The following KDM3B variants were observed in gnomAD, a reference collection of about 807,000 sequenced individuals.
KDM3B encodes the protein lysine-specific demethylase 3B.
Under a neutral mutation model 170.0 loss-of-function variants are expected in KDM3B, and 10 were observed. The observed-to-expected ratio is 0.06, with a 90% CI of 0.04 to 0.10. The LOEUF (loss-of-function observed/expected upper bound fraction) is 0.10. KDM3B is among the 10% of genes least tolerant of loss of function. The probability of loss-of-function intolerance (pLI) is 1.00; values close to 1 mark genes in which losing one functional copy is unlikely to be tolerated. For missense variants in KDM3B, 1,394 were observed against 2,195.2 expected, an observed-to-expected ratio of 0.64 and a Z score of 7.29; for synonymous variants, 831 against 834.8, an observed-to-expected ratio of 1.00 and a Z score of 0.08.
chr5:138,388,252 T>C (rs1210804698), intron 7 of KDM3B, among the ~76,000 whole-genome samples: 2 of 152,134 alleles, frequency 1.3e-5, no homozygotes, highest in Admixed American at 1.3e-4. Flanking sequence ...GTATTTTCTT[T>C]TAAACAGGTT....
intron 14 of KDM3B, among the ~76,000 whole-genome samples, chr5:138,419,766 C>CATAT (rs1008985305): frequency 7.6e-6 from 1 of 131,996 alleles, no homozygotes; most frequent in Non-Finnish European, 1.7e-5. Context: ...CACACACACA[C>CATAT]ATATATATGA....
At chr5:138,432,648 G>A (rs1006810695) in intron 23 of KDM3B, among the ~76,000 whole-genome samples, 1 of 152,084 alleles carries the variant, frequency 6.6e-6, no homozygotes, top group Non-Finnish European at 1.5e-5. Flanking sequence ...CAGCCTGGGC[G>A]ACAGAGCGAG....
chr5:138,425,574 T>A lies in KDM3B; in HGVS notation c.4403T>A (p.Ile1468Asn). Residue 1468 changes from isoleucine (I) to asparagine (N), a missense_variant, in exon 17 of 24, where the codon ATC becomes AAC. Coordinates refer to ENST00000314358, the MANE Select transcript of KDM3B (RefSeq NM_016604.4). ...CGGGATTTCTGGGATGGTTTCGAGATCATATGCAGTAAGTAGCTTTCATAT... is the reference window on the plus strand; with the variant it reads ...CGGGATTTCTGGGATGGTTTCGAGAACATATGCAGTAAGTAGCTTTCATAT... Reference protein sequence around the residue: ...KVRDFWDGFEIICKRLRSEDG... With the variant: ...KVRDFWDGFENICKRLRSEDG... 1 of 1,613,930 alleles carries A rather than the reference T, an allele frequency of 6.2e-7. No homozygotes were observed. The highest frequency in any genetic ancestry group is 1.1e-5 in the South Asian group (1 of 91,054).
In KDM3B at chr5:138,375,019, A is replaced by G. The variant is rs891088150; in HGVS notation, c.361-74A>G. The G allele has an allele frequency of 1.8e-5, 14 of 798,074 alleles. No homozygotes were observed. In the East Asian group the frequency reaches 3.2e-4, roughly 18 times the overall value. The allele number at this position is 798,074 out of a possible 1,614,324, so 49.4% of individuals were successfully genotyped here. A position where few individuals can be genotyped will look rare whatever the true frequency, so the allele number is the denominator to read the frequency against. ...AAAGATATAATAATTATTTCTTTGA[A>G]GTTAGAGATTTGTTTGAATTGCTGT... On this transcript the variant is annotated intron_variant, in intron 2 of 23. Transcript: ENST00000314358.
intron 10 of KDM3B, among the ~76,000 whole-genome samples, chr5:138,398,629 T>C (rs543699986): frequency 6.6e-6 from 1 of 152,206 alleles, no homozygotes; most frequent in African/African-American, 2.4e-5. Flanking sequence ...TTGCCTTTGT[T>C]TTTGTAGCAC....
chr5:138,421,048 G>A (rs773376917), intron 15 of KDM3B, 86 bp downstream of exon 15: 12 of 1,464,412 alleles, frequency 8.2e-6, no homozygotes, highest in Non-Finnish European at 1.1e-5. Flanking sequence ...AGGGTACATG[G>A]GTGATTTGTG....
chr5:138,434,232 G>A (rs1763614113), intron 23 of KDM3B, among the ~76,000 whole-genome samples: 1 of 152,060 alleles, frequency 6.6e-6, no homozygotes. Flanking sequence ...ACTCCAGCCT[G>A]GGCAACAGAC....
At position 138,419,668 on chromosome 5, in the gene KDM3B, A is replaced by ATAT. The variant is rs1554131122; in HGVS notation, c.3715+436_3715+437insTAT. 4.2e-3 allele frequency among the ~76,000 whole-genome samples: 455 copies of ATAT among 109,218 alleles called. 10 individuals are homozygous for ATAT. The highest frequency in any genetic ancestry group is 7.9e-3 in the African/African-American group (214 of 27,054). The allele number at this position is 109,218 out of a possible 152,430, so 71.7% of individuals were successfully genotyped here. ...ACTCTGTCTCAAAAAAAAAAAAAAA[A>ATAT]ATATATATATATATATATATACATA... On this transcript the variant is annotated intron_variant, in intron 14 of 23. Coordinates refer to ENST00000314358, the MANE Select transcript of KDM3B (RefSeq NM_016604.4).
At chr5:138,359,362 A>G (rs1031024692) in intron 1 of KDM3B, among the ~76,000 whole-genome samples, 6 of 150,516 alleles carry the variant, frequency 4.0e-5, no homozygotes, top group African/African-American at 1.2e-4. Context: ...GGGTTTCGCC[A>G]TGTTGTCCAG....
At chr5:138,369,757 A>G (rs1314875339) in intron 1 of KDM3B, among the ~76,000 whole-genome samples, 4 of 151,996 alleles carry the variant, frequency 2.6e-5, no homozygotes, top group African/African-American at 9.7e-5. Flanking sequence ...ACCTTATTTT[A>G]CCCTATTTCT....
At position 138,429,972 on chromosome 5, in the gene KDM3B, C is replaced by CCTGCCTGGG; in HGVS notation, c.4893+8_4893+9insTGCCTGGGC. The CCTGCCTGGG allele has an allele frequency of 6.2e-7, 1 of 1,613,828 alleles. No individual in the cohort carries two copies. The highest frequency in any genetic ancestry group is 8.5e-7 in the Non-Finnish European group (1 of 1,179,880). ...CCGGGAGCTGCTCCGAAAGGTACGC[C>CCTGCCTGGG]CCTGGGTGGGCTGTGCTCCCAGCTC... On this transcript the variant is annotated splice_region_variant and intron_variant, in intron 21 of 23. Coordinates refer to ENST00000314358, the MANE Select transcript of KDM3B (RefSeq NM_016604.4).
chr5:138,363,842 G>A (rs943386628), intron 1 of KDM3B, among the ~76,000 whole-genome samples: 5 of 151,952 alleles, frequency 3.3e-5, no homozygotes, highest in Admixed American at 2.6e-4. Context: ...CATTGCGCCT[G>A]GCCTCATACT....
At chr5:138,411,762 C>A (rs1336973944) in intron 11 of KDM3B, among the ~76,000 whole-genome samples, 10 of 149,886 alleles carry the variant, frequency 6.7e-5, no homozygotes, top group Non-Finnish European at 1.3e-4. Context: ...TGCAGTGGTG[C>A]AATCTTAGCT....
intron 15 of KDM3B, among the ~76,000 whole-genome samples, chr5:138,423,235 C>T (rs1367261115): frequency 6.6e-6 from 1 of 152,250 alleles, no homozygotes; most frequent in Non-Finnish European, 1.5e-5. Context: ...GCATGAGCCA[C>T]CGTGCCCAGC....
chr5:138,435,601 T>A lies in KDM3B; in HGVS notation c.5206-19T>A, dbSNP rs1763653594. On this transcript the variant is annotated intron_variant, in intron 23 of 23. Coordinates refer to ENST00000314358, the MANE Select transcript of KDM3B (RefSeq NM_016604.4). ...GCATGGGGCTGCTGTGAACTGACTT[T>A]GCTGTACACCTTCTCTAGGTGAAGA... is the stretch of plus-strand genomic sequence containing the variant. 2 of 1,606,760 alleles carry A rather than the reference T, an allele frequency of 1.2e-6. No homozygotes were observed. Among genetic ancestry groups the A allele is most frequent in the Middle Eastern group, 1.7e-4 (1 of 6,054 alleles).
intron 4 of KDM3B, among the ~76,000 whole-genome samples, chr5:138,378,843 A>C (rs564120263): frequency 1.0e-4 from 15 of 150,504 alleles, no homozygotes; most frequent in African/African-American, 1.7e-4. Context: ...TGTATAGAAA[A>C]GTTACGGAAG....
At position 138,419,160 on chromosome 5, in the gene KDM3B, A is replaced by T; in HGVS notation, c.3643A>T (p.Thr1215Ser). Residue 1215 changes from threonine to serine, a missense_variant, in exon 14 of 24, where the codon ACG becomes TCG. By Grantham distance (58) the Thr-to-Ser change is moderately conservative. This residue lies in a region of KDM3B where 87 missense variants were observed against 83.3 expected (regional missense o/e 1.04). Transcript: ENST00000314358. ...LKAIRPPCPD[T>S]APPSSALHWL... is the part of the protein sequence containing the mutation. ...AGCCATCAGGCCTCCTTGCCCTGAC[A>T]CGGCCCCACCCTCCTCCGCCCTGCA... 6.2e-7 allele frequency: 1 copy of T among 1,614,210 alleles called. No homozygotes were observed. The highest frequency in any genetic ancestry group is 8.5e-7 in the Non-Finnish European group (1 of 1,180,022).
At chr5:138,353,656 T>C (rs796982618) in intron 1 of KDM3B, among the ~76,000 whole-genome samples, 10 of 152,252 alleles carry the variant, frequency 6.6e-5, no homozygotes, top group African/African-American at 2.4e-4. Context: ...AGATCTTTCT[T>C]AGTGGCCGAA....
chr5:138,369,258 C>G (rs1389470774), intron 1 of KDM3B, among the ~76,000 whole-genome samples: 2 of 152,140 alleles, frequency 1.3e-5, no homozygotes, highest in Non-Finnish European at 2.9e-5. Flanking sequence ...CCGTTGTATC[C>G]TCCTGACATC....
Sources: gnomAD v4.1 joint callset for allele counts (sites outside exome capture counted in the v4.1 genomes callset) on GRCh38, gnomAD v4.1.1 for gene constraint, gnomAD v4.1.1 regional missense constraint, MANE v1.5 for transcripts, NCBI Gene and HGNC (gene_info 2026-07-23, HGNC 2026-07-21) for gene names.